Variants in CMYA5 observed in about 807,000 individuals in gnomAD.
The protein encoded by CMYA5 is cardiomyopathy-associated protein 5.
In CMYA5, 246 loss-of-function variants were observed where a neutral mutation model predicts 318.9. That is an observed-to-expected ratio of 0.77 (90% CI 0.70 to 0.86). The LOEUF (loss-of-function observed/expected upper bound fraction) is 0.86. CMYA5 is among the 40% of genes least tolerant of loss of function. CMYA5 has a pLI of 0.00. For synonymous variants in CMYA5, 1,641 were observed against 1,729.5 expected (o/e 0.95, Z 1.27); for missense variants, 4,589 against 4,678.2 (o/e 0.98, Z 0.56).
At chr5:79,778,900 ATT>A (rs201686318) in intron 9 of CMYA5, among the ~76,000 whole-genome samples, 2,715 of 94,538 alleles carry the variant, frequency 0.029, 41 homozygotes, top group Middle Eastern at 0.067. Flanking sequence ...ATTTATTTTT[ATT>A]TTTTTTTTTA....
At chr5:79,740,731 C>A (rs759091723) in intron 2 of CMYA5, among the ~76,000 whole-genome samples, 1 of 152,208 alleles carries the variant, frequency 6.6e-6, no homozygotes, top group Admixed American at 6.5e-5. Context: ...TCTCCTCTAC[C>A]TTTCCATAGC....
intron 1 of CMYA5, among the ~76,000 whole-genome samples, chr5:79,713,680 GCT>G (rs1386513113): frequency 7.3e-6 from 1 of 136,102 alleles, no homozygotes; most frequent in Non-Finnish European, 1.6e-5. Context: ...AGCCCAAATG[GCT>G]CTTTTTTAAC....
intron 10 of CMYA5, 54 bp downstream of exon 10, chr5:79,789,158 A>G: frequency 6.2e-7 from 1 of 1,600,954 alleles, no homozygotes; most frequent in Admixed American, 1.7e-5. Flanking sequence ...CTTCCCTTCC[A>G]CCCCTCAGAG....
chr5:79,759,005 T>C lies in CMYA5; in HGVS notation c.11260+103T>C, dbSNP rs138461661. Reference sequence around the variant, plus strand: ...ATTATGACTCTTCCCACAAAGCATTTATAGCCATTTACAAAACAACAACAA... The same window carrying C: ...ATTATGACTCTTCCCACAAAGCATTCATAGCCATTTACAAAACAACAACAA... On this transcript the variant is annotated intron_variant, in intron 7 of 12. Transcript: ENST00000446378. The C allele has an allele frequency of 5.5e-5, 54 of 984,112 alleles. No individual in the cohort carries two copies. The Admixed American group carries it at 8.2e-4, about 15-fold the overall frequency. 61.0% of individuals were successfully genotyped at this position (984,112 alleles called of 1,614,324 possible). A position where few individuals can be genotyped will look rare whatever the true frequency, so the allele number is the denominator to read the frequency against.
intron 1 of CMYA5, among the ~76,000 whole-genome samples, chr5:79,718,221 T>C (rs1376830431): frequency 6.6e-6 from 1 of 152,210 alleles, no homozygotes; most frequent in Non-Finnish European, 1.5e-5. Context: ...GAACTGTTAT[T>C]CAGCAATGCA....
At chr5:79,760,204 A>C (rs1354932798) in intron 7 of CMYA5, among the ~76,000 whole-genome samples, 3 of 127,030 alleles carry the variant, frequency 2.4e-5, no homozygotes, top group African/African-American at 3.0e-5. Flanking sequence ...TTTTTTTTTT[A>C]CTGGGTTTCA....
At chr5:79,744,900 A>G (rs1452753864) in intron 3 of CMYA5, among the ~76,000 whole-genome samples, 1 of 152,148 alleles carries the variant, frequency 6.6e-6, no homozygotes, top group African/African-American at 2.4e-5. Context: ...AGGGATGCTC[A>G]CTCAACGTGA....
chr5:79,745,485 C>G, intron 4 of CMYA5, 30 bp downstream of exon 4: 1 of 1,426,124 alleles, frequency 7.0e-7, no homozygotes, highest in Non-Finnish European at 9.9e-7. Flanking sequence ...GGCTCAAACA[C>G]CTTGCGCCCA....
chr5:79,689,894 G>C lies in CMYA5; in HGVS notation c.-14G>C, dbSNP rs1402295244. 2.6e-6 allele frequency: 2 copies of C among 755,894 alleles called. No individual in the cohort carries two copies. The highest frequency in any genetic ancestry group is 3.0e-5 in the South Asian group (2 of 67,370). The allele number at this position is 755,894 out of a possible 1,614,324, so 46.8% of individuals were successfully genotyped here. On this transcript the variant is annotated 5_prime_UTR_variant, in exon 1 of 13. Transcript: ENST00000446378. ...GGCTCCGGCTCCGGCCCCGGCCCAG[G>C]CCCGGGAGAGGCGATGGCGAGCCGC...
At chr5:79,758,272 C>T (rs565214301) in intron 6 of CMYA5, among the ~76,000 whole-genome samples, 105 of 151,210 alleles carry the variant, frequency 6.9e-4, no homozygotes, top group South Asian at 1.9e-3. Flanking sequence ...TGGCTCATGC[C>T]TGTGATCCCA....
chr5:79,790,967 T>C lies in CMYA5; in HGVS notation c.11690-3T>C, dbSNP rs770857749. 49 of 1,608,838 alleles carry C rather than the reference T, an allele frequency of 3.0e-5. No homozygotes were observed. The highest frequency in any genetic ancestry group is 3.8e-5 in the Non-Finnish European group (45 of 1,175,742). On this transcript the variant is annotated splice_region_variant and splice_polypyrimidine_tract_variant and intron_variant, in intron 10 of 12. Transcript: ENST00000446378. ...TTTAATACTATTTTCTCACCTGCAA[T>C]AGGAACCAGATTTCTCTTGTTGAGA...
At position 79,788,976 on chromosome 5, in the gene CMYA5, T is replaced by C. The variant is rs1162356277; in HGVS notation, c.11561T>C (p.Phe3854Ser). The C allele has an allele frequency of 3.1e-6, 5 of 1,613,370 alleles. No individual in the cohort carries two copies. The highest frequency in any genetic ancestry group is 3.3e-5 in the Admixed American group (2 of 59,976). Residue 3854 changes from phenylalanine to serine, a missense_variant, in exon 10 of 13, where the codon TTC becomes TCC. Around this residue, in one of 3 missense-constraint regions of CMYA5, gnomAD observed 2,431 missense variants for 2,495.1 expected, o/e 0.97. Coordinates refer to ENST00000446378, the MANE Select transcript of CMYA5 (RefSeq NM_153610.5). ...HSPEGEGLRSFSGIKGLQLKV... is the reference protein window; with the variant it reads ...HSPEGEGLRSSSGIKGLQLKV... ...TATTTTCCTCTTGTATTTAGATCTTTCTCTGGAATCAAAGGACTCCAGCTG... is the reference window on the plus strand; with the variant it reads ...TATTTTCCTCTTGTATTTAGATCTTCCTCTGGAATCAAAGGACTCCAGCTG...
In CMYA5 at chr5:79,739,246, A is replaced by G; in HGVS notation, c.10481A>G (p.Glu3494Gly). 1 of 1,612,822 alleles carries G rather than the reference A, an allele frequency of 6.2e-7. No individual in the cohort carries two copies. The highest frequency in any genetic ancestry group is 1.1e-5 in the South Asian group (1 of 90,742). Residue 3494 changes from glutamate to glycine, a missense_variant, in exon 2 of 13, where the codon GAG becomes GGG. This residue lies in a region of CMYA5 where 2,431 missense variants were observed against 2,495.1 expected (regional missense o/e 0.97). Coordinates refer to ENST00000446378, the MANE Select transcript of CMYA5 (RefSeq NM_153610.5). Reference sequence around the variant, plus strand: ...AAAGAAGAAGACCAATTATCATCTGAGGTAGTAACTGAAAAGGCACAAAAA... The same window carrying G: ...AAAGAAGAAGACCAATTATCATCTGGGGTAGTAACTGAAAAGGCACAAAAA... ...ERKEEDQLSS[E>G]VVTEKAQKEL...
At chr5:79,753,113 C>G (rs1353962986) in intron 6 of CMYA5, among the ~76,000 whole-genome samples, 1 of 151,902 alleles carries the variant, frequency 6.6e-6, no homozygotes, top group Non-Finnish European at 1.5e-5. Flanking sequence ...TTCTCATTTG[C>G]CTCATACCAG....
chr5:79,799,525 A>C lies in CMYA5; in HGVS notation c.12119A>C (p.Glu4040Ala), dbSNP rs779088391. 6 of 1,613,830 alleles carry C rather than the reference A, an allele frequency of 3.7e-6. No individual in the cohort carries two copies. The highest frequency in any genetic ancestry group is 4.2e-6 in the Non-Finnish European group (5 of 1,179,896). ...TTCATCATCAGGCACAGGTTTAATG[A>C]GGGTGTCCACCCTGCCTTTGCCCTG... ...LLFIIRHRFN[E>A]GVHPAFALEK... The change falls in exon 13 of 13, where the codon GAG becomes GCG. Residue 4040 changes from glutamate (E) to alanine (A), a missense_variant. Physicochemically the swap from Glu to Ala is moderately radical, Grantham distance 107. Coordinates refer to ENST00000446378, the MANE Select transcript of CMYA5 (RefSeq NM_153610.5).
chr5:79,792,838 A>C (rs371239515), intron 11 of CMYA5, among the ~76,000 whole-genome samples: 4 of 152,340 alleles, frequency 2.6e-5, no homozygotes, highest in African/African-American at 9.6e-5. Context: ...CAACCTCTTA[A>C]GGGCACCTAC....
At position 79,732,761 on chromosome 5, in the gene CMYA5, T is replaced by C; in HGVS notation, c.3996T>C (p.Pro1332=). The change falls in exon 2 of 13, where the codon CCT becomes CCC. Residue 1332 remains proline (P), a synonymous_variant. Coordinates refer to ENST00000446378, the MANE Select transcript of CMYA5 (RefSeq NM_153610.5). ...AAAAGCAAGTTGAACATGGTCCACC[T>C]GCACTAGCATTTTCAGCTTTGTCAG... The part of the protein sequence containing the change: ...GVEKQVEHGP[P]ALAFSALSEE... 6.2e-7 allele frequency: 1 copy of C among 1,613,800 alleles called. No individual in the cohort carries two copies. The highest frequency in any genetic ancestry group is 8.5e-7 in the Non-Finnish European group (1 of 1,179,830).
At chr5:79,696,600 A>G (rs1381875174) in intron 1 of CMYA5, among the ~76,000 whole-genome samples, 1 of 152,250 alleles carries the variant, frequency 6.6e-6, no homozygotes, top group Non-Finnish European at 1.5e-5. Context: ...TTTGATTTTA[A>G]AAAACTTTTA....
rs1273433710 is a variant in CMYA5 at position 79,733,604 on chromosome 5, TGCTTTGGCAGA to T, written c.4843_4853del (p.Leu1615ValfsTer5). The T allele has an allele frequency of 6.2e-7, 1 of 1,613,542 alleles. No individual in the cohort carries two copies. The highest frequency in any genetic ancestry group is 8.5e-7 in the Non-Finnish European group (1 of 1,179,798). On this transcript the variant is annotated frameshift_variant, in exon 2 of 13. Coordinates refer to ENST00000446378, the MANE Select transcript of CMYA5 (RefSeq NM_153610.5). LOFTEE classifies it high-confidence loss of function. ...ACTTCCCATCAGAAAAACAAGATGTTGCTTTGGCAGAGCTGTCTTTGGAACCTGAGAAGAAA... is the reference window on the plus strand; with the variant it reads ...ACTTCCCATCAGAAAAACAAGATGTTGCTGTCTTTGGAACCTGAGAAGAAA...
Sources: allele counts gnomAD v4.1 joint callset (sites outside exome capture counted in the v4.1 genomes callset), GRCh38; gene constraint gnomAD v4.1.1; regional missense constraint gnomAD v4.1.1; transcripts MANE v1.5; gene names NCBI Gene and HGNC (gene_info 2026-07-23, HGNC 2026-07-21).